Variants in PLA2G2E observed in about 807,000 individuals in gnomAD.
PLA2G2E encodes the protein phospholipase A2 group IIE.
PLA2G2E carries 14 observed loss-of-function variants against 16.5 expected under a neutral mutation model. The observed-to-expected ratio is 0.85, with a 90% CI of 0.56 to 1.33. The LOEUF is 1.33. Among genes scored for constraint, PLA2G2E ranks in the 40% most tolerant of loss-of-function variants. PLA2G2E has a pLI of 0.00. For missense variants in PLA2G2E, 174 were observed against 190.7 expected (o/e 0.91, Z 0.52); for synonymous variants, 72 against 77.2 (o/e 0.93, Z 0.36).
rs547911129 is a variant in PLA2G2E at position 19,920,287 on chromosome 1, G to C, written c.*20C>G. On this transcript the variant is annotated 3_prime_UTR_variant, in exon 4 of 4. Coordinates refer to ENST00000375116, the MANE Select transcript of PLA2G2E (RefSeq NM_014589.3). This position sits in a 1 kb window ranked among gnomAD's most constrained non-coding sequence, Gnocchi z 4.3. ...CCCGAGGCGGGACCTCCAGGGACGGGGGGGAGGCCGAGCATAGCCTCAGCA... is the reference window on the plus strand; with the variant it reads ...CCCGAGGCGGGACCTCCAGGGACGGCGGGGAGGCCGAGCATAGCCTCAGCA... 6.9e-4 allele frequency: 1,106 copies of C among 1,605,282 alleles called. 1 individual carries two copies. The highest frequency in any genetic ancestry group is 8.3e-4 in the Non-Finnish European group (978 of 1,175,232).
intron 3 of PLA2G2E, among the ~76,000 whole-genome samples, chr1:19,921,391 T>G (rs1052951174): frequency 2.6e-5 from 4 of 152,348 alleles, no homozygotes; most frequent in Non-Finnish European, 5.9e-5. Context: ...ATTACATCAC[T>G]TGTCCAAAGT....
chr1:19,923,516 T>A lies in PLA2G2E; in HGVS notation c.40+4A>T. 6.5e-7 allele frequency: 1 copy of A among 1,548,128 alleles called. No homozygotes were observed. Among genetic ancestry groups the A allele is most frequent in the South Asian group, 1.2e-5 (1 of 83,222 alleles). On this transcript the variant is annotated splice_donor_region_variant and intron_variant, in intron 1 of 3. Coordinates refer to ENST00000375116, the MANE Select transcript of PLA2G2E (RefSeq NM_014589.3). ...GAAGGCTGAAGGTCACAAAGATCAC[T>A]TACCCAGGAGGCAAAGGAACACCAG...
Position 19,922,506 on chromosome 1 carries a change from C to A in PLA2G2E, c.180-102G>T. ...GCCCAAAGCAGCCCAGAGGAGAGAT[C>A]AGCCTGAATTTTCCAGGTGCCCCCA... On this transcript the variant is annotated intron_variant, in intron 2 of 3. Transcript: ENST00000375116. The A allele has an allele frequency of 6.5e-6, 10 of 1,547,464 alleles. No individual in the cohort carries two copies. The South Asian group carries it at 1.2e-4, about 18-fold the overall frequency.
chr1:19,922,683 T>G lies in PLA2G2E; in HGVS notation c.113A>C (p.Gln38Pro). The change falls in exon 2 of 4, where the codon CAG (glutamine) becomes CCG (proline). Residue 38 changes from glutamine (Q) to proline (P), a missense_variant. Coordinates refer to ENST00000375116, the MANE Select transcript of PLA2G2E (RefSeq NM_014589.3). The part of the protein sequence containing the change: ...IEKMTGKSAL[Q>P]YNDYGCYCGI... Reference sequence around the variant, plus strand: ...GCAGTAACAGCCATAGTCGTTGTACTGCAGGGCGGACTTGCCTGTCATCTT... The same window carrying G: ...GCAGTAACAGCCATAGTCGTTGTACGGCAGGGCGGACTTGCCTGTCATCTT... 5.0e-6 allele frequency: 8 copies of G among 1,614,094 alleles called. No individual in the cohort carries two copies. The highest frequency in any genetic ancestry group is 6.8e-6 in the Non-Finnish European group (8 of 1,180,002).
At chr1:19,921,218 C>T (rs1025186081) in intron 3 of PLA2G2E, among the ~76,000 whole-genome samples, 3 of 152,254 alleles carry the variant, frequency 2.0e-5, no homozygotes, top group African/African-American at 7.2e-5. Flanking sequence ...CGTCAGGGCT[C>T]TGCCCACGCC....
intron 3 of PLA2G2E, among the ~76,000 whole-genome samples, chr1:19,921,156 C>T (rs2045811016): frequency 6.6e-6 from 1 of 152,234 alleles, no homozygotes. Flanking sequence ...CTGTATCTCA[C>T]AGCTCAGGCC....
chr1:19,920,500 G>A lies in PLA2G2E; in HGVS notation c.287-51C>T. 6.3e-7 allele frequency: 1 copy of A among 1,589,034 alleles called. No homozygotes were observed. The highest frequency in any genetic ancestry group is 8.6e-7 in the Non-Finnish European group (1 of 1,166,062). On this transcript the variant is annotated intron_variant, in intron 3 of 3. Transcript: ENST00000375116. The surrounding 1 kb of genome is among the most constrained non-coding windows in gnomAD (Gnocchi z 4.3). ...ACCACAGAAGCTCAGGATATGTGTG[G>A]GACAGCTCTTGGCTGCTTCTGGGTC...
chr1:19,920,417 C>T lies in PLA2G2E; in HGVS notation c.319G>A (p.Glu107Lys), dbSNP rs746108367. The part of the protein sequence containing the change: ...GRTTCQRLTC[E>K]CDKRAALCFR... ...CAGAGGGCAGCCCTCTTGTCACACT[C>T]GCAGGTCAGCCGCTGGCAGGTGGTC... Residue 107 changes from glutamate (E) to lysine (K), a missense_variant, in exon 4 of 4, where the codon GAG (glutamate) becomes AAG (lysine). By Grantham distance (56) the Glu-to-Lys change is moderately conservative. Transcript: ENST00000375116. The surrounding 1 kb of genome is among the most constrained non-coding windows in gnomAD (Gnocchi z 4.3). 7 of 1,613,742 alleles carry T rather than the reference C, an allele frequency of 4.3e-6. No homozygotes were observed. Among genetic ancestry groups the T allele is most frequent in the Admixed American group, 1.7e-5 (1 of 60,006 alleles).
Position 19,922,372 on chromosome 1 carries a change from C to G in PLA2G2E, c.212G>C (p.Arg71Pro), listed in dbSNP as rs61729971. The change falls in exon 3 of 4, where the codon CGT becomes CCT. Residue 71 changes from arginine (R) to proline (P), a missense_variant. Transcript: ENST00000375116. ...CCHAHDCCYG[R>P]LEKLGCEPKL... Reference sequence around the variant, plus strand: ...GGGCTCACAGCCCAGCTTCTCCAGACGCCCGTAGCAGCAGTCGTGGGCGTG... The same window carrying G: ...GGGCTCACAGCCCAGCTTCTCCAGAGGCCCGTAGCAGCAGTCGTGGGCGTG... The G allele has an allele frequency of 6.2e-7, 1 of 1,613,910 alleles. No homozygotes were observed.
At position 19,920,357 on chromosome 1, in the gene PLA2G2E, A is replaced by G; in HGVS notation, c.379T>C (p.Tyr127His). The G allele has an allele frequency of 3.7e-6, 6 of 1,613,636 alleles. No homozygotes were observed. The highest frequency in any genetic ancestry group is 5.1e-6 in the Non-Finnish European group (6 of 1,179,832). The change falls in exon 4 of 4, where the codon TAT (tyrosine) becomes CAT (histidine). Residue 127 changes from tyrosine to histidine, a missense_variant. Coordinates refer to ENST00000375116, the MANE Select transcript of PLA2G2E (RefSeq NM_014589.3). This position sits in a 1 kb window ranked among gnomAD's most constrained non-coding sequence, Gnocchi z 4.3. Reference protein sequence around the residue: ...RRNLGTYNRKYAHYPNKLCTG... With the variant: ...RRNLGTYNRKHAHYPNKLCTG... Reference sequence around the variant, plus strand: ...CACAGCTTGTTGGGATAATGGGCATATTTGCGGTTGTAGGTGCCCAGGTTG... The same window carrying G: ...CACAGCTTGTTGGGATAATGGGCATGTTTGCGGTTGTAGGTGCCCAGGTTG...
chr1:19,922,036 G>T (rs922758355), intron 3 of PLA2G2E, among the ~76,000 whole-genome samples: 1 of 152,224 alleles, frequency 6.6e-6, no homozygotes, highest in African/African-American at 2.4e-5. Context: ...TCTTTCCAGA[G>T]GCTGGAGCTG....
chr1:19,922,365 C>T lies in PLA2G2E; in HGVS notation c.219G>A (p.Glu73=), dbSNP rs2100356075. The T allele has an allele frequency of 6.2e-7, 1 of 1,614,094 alleles. No homozygotes were observed. The highest frequency in any genetic ancestry group is 8.5e-7 in the Non-Finnish European group (1 of 1,179,952). Residue 73 remains glutamate, a synonymous_variant, in exon 3 of 4, where the codon GAG becomes GAA. Coordinates refer to ENST00000375116, the MANE Select transcript of PLA2G2E (RefSeq NM_014589.3). ...HAHDCCYGRL[E]KLGCEPKLEK... Reference sequence around the variant, plus strand: ...CCAGTTTGGGCTCACAGCCCAGCTTCTCCAGACGCCCGTAGCAGCAGTCGT... The same window carrying T: ...CCAGTTTGGGCTCACAGCCCAGCTTTTCCAGACGCCCGTAGCAGCAGTCGT...
chr1:19,922,473 G>T (rs1191970888), intron 2 of PLA2G2E, 69 bp from the exon 3 acceptor site: 2 of 1,547,322 alleles, frequency 1.3e-6, no homozygotes, highest in Non-Finnish European at 1.8e-6. Context: ...GCTGCTCGGG[G>T]CCCCCGAGCC....
chr1:19,922,646 G>A lies in PLA2G2E; in HGVS notation c.150C>T (p.Gly50=). The A allele has an allele frequency of 6.2e-7, 1 of 1,614,052 alleles. No individual in the cohort carries two copies. The highest frequency in any genetic ancestry group is 8.5e-7 in the Non-Finnish European group (1 of 1,179,986). The part of the protein sequence containing the change: ...NDYGCYCGIG[G]SHWPVDQTDW... ...CAGTCTGGTCCACCGGCCAGTGGGA[G>A]CCACCGATGCCGCAGTAACAGCCAT... The change falls in exon 2 of 4, where the codon GGC becomes GGT. Residue 50 remains glycine, a synonymous_variant. Coordinates refer to ENST00000375116, the MANE Select transcript of PLA2G2E (RefSeq NM_014589.3).
chr1:19,920,803 G>A lies in PLA2G2E; in HGVS notation c.287-354C>T, dbSNP rs2045808702. On this transcript the variant is annotated intron_variant, in intron 3 of 3. Transcript: ENST00000375116. This position sits in a 1 kb window ranked among gnomAD's most constrained non-coding sequence, Gnocchi z 4.3. ...CCCCTGCACCCCTGTGTGATGCGTT[G>A]CTGATGGCGGATTGTGGCCATCAAG... Among the ~76,000 whole-genome samples, 1 of 152,140 alleles carries A rather than the reference G, an allele frequency of 6.6e-6. No individual in the cohort carries two copies. The highest frequency in any genetic ancestry group is 6.5e-5 in the Admixed American group (1 of 15,276).
Position 19,922,314 on chromosome 1 carries a change from T to C in PLA2G2E, c.270A>G (p.Glu90=), listed in dbSNP as rs1212846563. Residue 90 remains glutamate, a synonymous_variant, in exon 3 of 4, where the codon GAA becomes GAG. Transcript: ENST00000375116. The part of the protein sequence containing the change: ...KLEKYLFSVS[E]RGIFCAGRTT... Reference sequence around the variant, plus strand: ...TCCACCTACCGCAGAAAATGCCACGTTCGCTGACAGAGAAAAGATACTTTT... The same window carrying C: ...TCCACCTACCGCAGAAAATGCCACGCTCGCTGACAGAGAAAAGATACTTTT... 6.2e-7 allele frequency: 1 copy of C among 1,613,654 alleles called. No homozygotes were observed. The highest frequency in any genetic ancestry group is 1.7e-5 in the Admixed American group (1 of 59,994).
chr1:19,921,702 T>G (rs529204082), intron 3 of PLA2G2E, among the ~76,000 whole-genome samples: 2 of 152,380 alleles, frequency 1.3e-5, no homozygotes, highest in South Asian at 4.1e-4. Context: ...AGGCTGCTCC[T>G]GGCTTTGTGG....
intron 1 of PLA2G2E, among the ~76,000 whole-genome samples, chr1:19,923,094 G>A (rs1331912302): frequency 6.6e-6 from 1 of 152,052 alleles, no homozygotes; most frequent in Non-Finnish European, 1.5e-5. Flanking sequence ...ATCTCACCCA[G>A]GAACACTCTG....
Position 19,923,563 on chromosome 1 carries a change from A to G in PLA2G2E, c.-4T>C. On this transcript the variant is annotated 5_prime_UTR_variant, in exon 1 of 4. Transcript: ENST00000375116. ...CCAGCACGTGGGGAGATTTCATCCCAGGTTGGGGGGAAGGGAGGTGCACAA... is the reference window on the plus strand; with the variant it reads ...CCAGCACGTGGGGAGATTTCATCCCGGGTTGGGGGGAAGGGAGGTGCACAA... The G allele has an allele frequency of 1.9e-6, 3 of 1,550,284 alleles. No individual in the cohort carries two copies. The highest frequency in any genetic ancestry group is 2.6e-6 in the Non-Finnish European group (3 of 1,146,386).
Sources: allele counts gnomAD v4.1 joint callset (sites outside exome capture counted in the v4.1 genomes callset), GRCh38; gene constraint gnomAD v4.1.1; non-coding constraint Gnocchi (gnomAD v3.1); transcripts MANE v1.5; gene names NCBI Gene and HGNC (gene_info 2026-07-23, HGNC 2026-07-21).